Variants in ANKS1B observed in about 807,000 individuals in gnomAD.
ANKS1B encodes the protein ankyrin repeat and sterile alpha motif domain-containing protein 1B.
Under a neutral mutation model 148.3 loss-of-function variants are expected in ANKS1B, and 36 were observed. The ratio of observed to expected loss-of-function variants is 0.24; its 90% CI spans 0.19 to 0.32. The LOEUF (loss-of-function observed/expected upper bound fraction) is 0.32. Among genes scored for constraint, ANKS1B ranks in the 10% least tolerant of loss-of-function variants. ANKS1B has a pLI of 1.00. For missense variants in ANKS1B, 1,157 were observed against 1,542.6 expected (o/e 0.75, Z 4.19); for synonymous variants, 542 against 560.8 (o/e 0.97, Z 0.47).
At chr12:99,555,960 A>G (rs1018781634) in intron 9 of ANKS1B, among the ~76,000 whole-genome samples, 1 of 152,118 alleles carries the variant, frequency 6.6e-6, no homozygotes, top group Non-Finnish European at 1.5e-5. Flanking sequence ...AATGAGCTGG[A>G]GAGAAGTCTC....
At chr12:99,587,749 G>A (rs1161834177) in intron 9 of ANKS1B, among the ~76,000 whole-genome samples, 1 of 152,146 alleles carries the variant, frequency 6.6e-6, no homozygotes, top group African/African-American at 2.4e-5. Flanking sequence ...CACACTTTCA[G>A]TGGATTCAGA....
intron 12 of ANKS1B, among the ~76,000 whole-genome samples, chr12:99,357,565 T>C (rs570316285): frequency 6.6e-5 from 10 of 152,144 alleles, no homozygotes; most frequent in Admixed American, 2.6e-4. Context: ...CCTGAGAACA[T>C]AAGCTATTTA....
chr12:98,980,794 C>T (rs1274463121), intron 17 of ANKS1B, among the ~76,000 whole-genome samples: 1 of 152,178 alleles, frequency 6.6e-6, no homozygotes, highest in East Asian at 1.9e-4. Context: ...CCTCTCCAAA[C>T]TCCAGTCTCT....
chr12:99,581,626 C>T (rs927208848), intron 9 of ANKS1B, among the ~76,000 whole-genome samples: 1 of 151,608 alleles, frequency 6.6e-6, no homozygotes, highest in Non-Finnish European at 1.5e-5. Context: ...CGCGGTGGCT[C>T]ACGCCTGTAA....
At chr12:99,531,304 A>C (rs972081157) in intron 9 of ANKS1B, among the ~76,000 whole-genome samples, 3 of 151,948 alleles carry the variant, frequency 2.0e-5, no homozygotes, top group Non-Finnish European at 4.4e-5. Context: ...TTTTTATTTC[A>C]ATAGCTTTAG....
chr12:99,296,744 A>T (rs1168371474), intron 12 of ANKS1B, among the ~76,000 whole-genome samples: 1 of 152,222 alleles, frequency 6.6e-6, no homozygotes, highest in Non-Finnish European at 1.5e-5. Flanking sequence ...TGTATCCCTG[A>T]AGCCAAAAAG....
At chr12:99,709,134 CTGTG>C (rs147683855) in intron 8 of ANKS1B, among the ~76,000 whole-genome samples, 4 of 151,972 alleles carry the variant, frequency 2.6e-5, no homozygotes, top group Non-Finnish European at 4.4e-5. Flanking sequence ...ATGAATACTG[CTGTG>C]TGTGTGTGCA....
intron 12 of ANKS1B, among the ~76,000 whole-genome samples, chr12:99,386,700 A>T (rs943195789): frequency 6.6e-6 from 1 of 152,228 alleles, no homozygotes; most frequent in Non-Finnish European, 1.5e-5. Flanking sequence ...ATAAATGTCT[A>T]AGAAAAATGA....
intron 8 of ANKS1B, among the ~76,000 whole-genome samples, chr12:99,670,370 A>C (rs2098531294): frequency 6.6e-6 from 1 of 152,132 alleles, no homozygotes; most frequent in South Asian, 2.1e-4. Flanking sequence ...AGAGTTATTC[A>C]ATTAATTTTT....
chr12:99,741,865 A>C (rs2060146329), intron 8 of ANKS1B, among the ~76,000 whole-genome samples: 1 of 152,016 alleles, frequency 6.6e-6, no homozygotes, highest in African/African-American at 2.4e-5. Context: ...CACATTCTGC[A>C]CGTTTCCCAG....
At chr12:99,848,485 G>A (rs982669257) in intron 1 of ANKS1B, among the ~76,000 whole-genome samples, 17 of 152,134 alleles carry the variant, frequency 1.1e-4, no homozygotes, top group Admixed American at 4.6e-4. Context: ...CATATATCAC[G>A]ATAATGTAAA....
At chr12:99,970,087 AT>A (rs2095540177) in intron 1 of ANKS1B, among the ~76,000 whole-genome samples, 1 of 152,236 alleles carries the variant, frequency 6.6e-6, no homozygotes, top group African/African-American at 2.4e-5. Flanking sequence ...ACAACAGTAT[AT>A]ACACCAGATT....
intron 8 of ANKS1B, among the ~76,000 whole-genome samples, chr12:99,721,929 C>T (rs1390034585): frequency 2.0e-5 from 3 of 152,224 alleles, no homozygotes; most frequent in African/African-American, 7.2e-5. Flanking sequence ...AGCCTGAATG[C>T]TGATATGGCA....
At chr12:98,868,311 G>A (rs911409556) in intron 17 of ANKS1B, among the ~76,000 whole-genome samples, 2 of 152,132 alleles carry the variant, frequency 1.3e-5, no homozygotes, top group Non-Finnish European at 2.9e-5. Flanking sequence ...TGCTTGGAAC[G>A]TCCCAGGAGT....
At chr12:98,979,532 A>T (rs1158272521) in intron 17 of ANKS1B, among the ~76,000 whole-genome samples, 1 of 152,024 alleles carries the variant, frequency 6.6e-6, no homozygotes, top group Admixed American at 6.6e-5. Context: ...CGGCCTCCCA[A>T]AGTGCTGGGA....
chr12:99,415,001 T>C lies in ANKS1B; in HGVS notation c.1576-15190A>G, dbSNP rs767746879. ...TTCATACAATGTATTCAAATCTTCA[T>C]TGGAAAGACTGTATACACACATGAG... On this transcript the variant is annotated intron_variant, in intron 11 of 26. Transcript: ENST00000683438. 6.1e-4 allele frequency among the ~76,000 whole-genome samples: 93 copies of C among 152,328 alleles called. 1 individual carries two copies. Among genetic ancestry groups the C allele is most frequent in the Middle Eastern group, 3.4e-3 (1 of 294 alleles).
chr12:99,832,800 A>G (rs1248299738), intron 1 of ANKS1B, among the ~76,000 whole-genome samples: 2 of 152,128 alleles, frequency 1.3e-5, no homozygotes, highest in African/African-American at 4.8e-5. Context: ...TAATTAGTCC[A>G]ATAGCTGAGA....
chr12:99,081,819 GA>G (rs1339330171), intron 16 of ANKS1B, among the ~76,000 whole-genome samples: 8 of 152,070 alleles, frequency 5.3e-5, no homozygotes, highest in African/African-American at 1.4e-4. Flanking sequence ...TCTTAAAATT[GA>G]GGTGCTCTGA....
intron 17 of ANKS1B, among the ~76,000 whole-genome samples, chr12:99,049,657 T>C (rs577067497): frequency 5.3e-5 from 8 of 152,328 alleles, no homozygotes; most frequent in African/African-American, 1.7e-4. Context: ...TAAACAGTCA[T>C]GTAAATATAG....
Sources: gnomAD v4.1 joint callset for allele counts (sites outside exome capture counted in the v4.1 genomes callset) on GRCh38, gnomAD v4.1.1 for gene constraint, MANE v1.5 for transcripts, NCBI Gene and HGNC (gene_info 2026-07-23, HGNC 2026-07-21) for gene names.